Variants in NKAIN3 observed in about 807,000 individuals in gnomAD.
NKAIN3 encodes sodium/potassium-transporting ATPase subunit beta-1-interacting protein 3.
In NKAIN3, 25 loss-of-function variants were observed where a neutral mutation model predicts 30.2. The ratio of observed to expected loss-of-function variants is 0.83; its 90% CI spans 0.60 to 1.16. The LOEUF (loss-of-function observed/expected upper bound fraction) is 1.16. NKAIN3 is among the 50% of genes most tolerant of loss of function. The probability of loss-of-function intolerance (pLI) is 0.00; values close to 1 mark genes in which losing one functional copy is unlikely to be tolerated. For missense variants in NKAIN3, 225 were observed against 254.1 expected (o/e 0.89, Z 0.78); for synonymous variants, 91 against 89.6 (o/e 1.02, Z -0.09).
chr8:62,485,590 G>C (rs1010423000), intron 1 of NKAIN3, among the ~76,000 whole-genome samples: 1 of 152,164 alleles, frequency 6.6e-6, no homozygotes, highest in African/African-American at 2.4e-5. Flanking sequence ...TATTCTATAA[G>C]ACTGTGGAGC....
intron 3 of NKAIN3, among the ~76,000 whole-genome samples, chr8:62,636,989 T>G (rs1456109526): frequency 6.6e-6 from 1 of 152,186 alleles, no homozygotes; most frequent in African/African-American, 2.4e-5. Context: ...CGTGAAAATT[T>G]TTTTTCCATT....
intron 1 of NKAIN3, among the ~76,000 whole-genome samples, chr8:62,371,785 A>G (rs1816915533): frequency 6.6e-6 from 1 of 151,784 alleles, no homozygotes; most frequent in Non-Finnish European, 1.5e-5. Context: ...CCCCTATTTT[A>G]TTGTATGTTG....
rs554457927 is a variant in NKAIN3, at chr8:62,976,479, C to T, written c.*11072C>T. ...GTTTTGATTTTTGTTGGCTTAAAGT[C>T]TGTTTTACCAGAGGCTAAGATTGCA... On this transcript the variant is annotated 3_prime_UTR_variant, in exon 7 of 7. Transcript: ENST00000623646. 5.3e-5 allele frequency among the ~76,000 whole-genome samples: 8 copies of T among 152,138 alleles called. No homozygotes were observed. The East Asian group carries it at 1.5e-3, about 29-fold the overall frequency.
intron 1 of NKAIN3, among the ~76,000 whole-genome samples, chr8:62,276,308 C>T (rs1377092856): frequency 8.5e-5 from 13 of 152,264 alleles, no homozygotes; most frequent in African/African-American, 1.2e-4. Flanking sequence ...TCAAGTGATC[C>T]GCCTGCCTTG....
At chr8:62,277,752 C>G (rs1813011976) in intron 1 of NKAIN3, among the ~76,000 whole-genome samples, 1 of 152,104 alleles carries the variant, frequency 6.6e-6, no homozygotes, top group Admixed American at 6.6e-5. Flanking sequence ...CTTTTAAAAT[C>G]CACTTTTAAT....
intron 3 of NKAIN3, among the ~76,000 whole-genome samples, chr8:62,692,028 T>C (rs1813983334): frequency 6.6e-6 from 1 of 152,200 alleles, no homozygotes; most frequent in African/African-American, 2.4e-5. Context: ...TGGCCTATAA[T>C]GATCTTGGCT....
At chr8:62,892,311 G>A (rs1218769068) in intron 4 of NKAIN3, among the ~76,000 whole-genome samples, 2 of 152,152 alleles carry the variant, frequency 1.3e-5, no homozygotes, top group Non-Finnish European at 2.9e-5. Flanking sequence ...CATTTCAAAT[G>A]ACATCTGCAA....
chr8:62,477,607 A>G (rs1402341871), intron 1 of NKAIN3, among the ~76,000 whole-genome samples: 2 of 152,156 alleles, frequency 1.3e-5, no homozygotes, highest in African/African-American at 2.4e-5. Context: ...CTAGGAGATG[A>G]GGATGCTTGC....
rs1480571319 is a variant in NKAIN3 at position 62,976,849 on chromosome 8, C to T, written c.*11442C>T. Among the ~76,000 whole-genome samples the T allele has an allele frequency of 2.0e-5, 3 of 152,134 alleles. No individual in the cohort carries two copies. Among genetic ancestry groups the T allele is most frequent in the Non-Finnish European group, 2.9e-5 (2 of 68,024 alleles). On this transcript the variant is annotated 3_prime_UTR_variant, in exon 7 of 7. Coordinates refer to ENST00000623646, the MANE Select transcript of NKAIN3 (RefSeq NM_001304533.3). ...TTGTTCCTTTCCATATTTAGTACTT[C>T]TTTCAGAAGCTCTTGTAAAGGCAGG...
intron 5 of NKAIN3, among the ~76,000 whole-genome samples, chr8:62,928,433 A>G (rs1822514838): frequency 1.3e-5 from 2 of 152,206 alleles, no homozygotes; most frequent in African/African-American, 4.8e-5. Flanking sequence ...TCAATCAACT[A>G]CAAAACTCCT....
chr8:62,711,611 A>G (rs1166326278), intron 3 of NKAIN3, among the ~76,000 whole-genome samples: 2 of 152,014 alleles, frequency 1.3e-5, no homozygotes, highest in East Asian at 1.9e-4. Context: ...TCTTTAAGCT[A>G]TCTATTTCTT....
intron 4 of NKAIN3, among the ~76,000 whole-genome samples, chr8:62,806,552 G>A (rs1198740163): frequency 6.6e-6 from 1 of 151,976 alleles, no homozygotes; most frequent in Non-Finnish European, 1.5e-5. Context: ...ACTATCAGAA[G>A]GACAAAAAAC....
chr8:62,691,618 G>A (rs569269274), intron 3 of NKAIN3, among the ~76,000 whole-genome samples: 6 of 152,234 alleles, frequency 3.9e-5, no homozygotes, highest in Admixed American at 2.0e-4. Context: ...TTCTAAAATC[G>A]TTAATAAGGC....
At chr8:62,430,453 A>G (rs928793653) in intron 1 of NKAIN3, among the ~76,000 whole-genome samples, 2 of 150,744 alleles carry the variant, frequency 1.3e-5, no homozygotes, top group Non-Finnish European at 3.0e-5. Context: ...TTGGATATGT[A>G]TCCAGAAGTG....
chr8:62,658,850 G>A (rs1198207313), intron 3 of NKAIN3, among the ~76,000 whole-genome samples: 1 of 151,694 alleles, frequency 6.6e-6, no homozygotes, highest in Non-Finnish European at 1.5e-5. Context: ...CTTCGCTATG[G>A]ACATATTTTT....
chr8:62,796,980 G>A (rs895543169), intron 4 of NKAIN3, among the ~76,000 whole-genome samples: 12 of 152,178 alleles, frequency 7.9e-5, no homozygotes, highest in African/African-American at 2.4e-4. Context: ...ACAGCATGAA[G>A]TGCTCTCTGA....
intron 4 of NKAIN3, among the ~76,000 whole-genome samples, chr8:62,891,493 G>C (rs772593097): frequency 6.6e-6 from 1 of 152,150 alleles, no homozygotes; most frequent in Admixed American, 6.5e-5. Context: ...ACTTCACATT[G>C]TGATCATGTG....
intron 4 of NKAIN3, among the ~76,000 whole-genome samples, chr8:62,774,592 T>C (rs1381794913): frequency 6.6e-6 from 1 of 152,008 alleles, no homozygotes; most frequent in Admixed American, 6.6e-5. Flanking sequence ...CTTTACTCAG[T>C]TTTTTTAGGG....
intron 3 of NKAIN3, among the ~76,000 whole-genome samples, chr8:62,607,232 G>A (rs934740899): frequency 2.0e-5 from 3 of 152,082 alleles, no homozygotes; most frequent in African/African-American, 7.2e-5. Flanking sequence ...ATGTCAATCT[G>A]GAAAGCTGTA....
Sources: allele counts gnomAD v4.1 joint callset (sites outside exome capture counted in the v4.1 genomes callset), GRCh38; gene constraint gnomAD v4.1.1; transcripts MANE v1.5; gene names NCBI Gene and HGNC (gene_info 2026-07-23, HGNC 2026-07-21).